Variants in EPS8 observed in about 807,000 individuals in gnomAD.
EPS8 encodes the protein epidermal growth factor receptor kinase substrate 8.
A neutral mutation model predicts 103.8 loss-of-function variants in EPS8; 42 were observed. The observed-to-expected ratio is 0.40, with a 90% CI of 0.32 to 0.52. The LOEUF is 0.52. Ranked by LOEUF, EPS8 falls within the 20% of genes least tolerant of loss-of-function variation. The pLI is 0.40. For synonymous variants in EPS8, 344 were observed against 344.6 expected (o/e 1.00, Z 0.02); for missense variants, 969 against 1,005.1 (o/e 0.96, Z 0.49).
intron 17 of EPS8, among the ~76,000 whole-genome samples, chr12:15,633,748 C>T (rs1427176489): frequency 6.6e-6 from 1 of 152,166 alleles, no homozygotes; most frequent in Admixed American, 6.5e-5. Flanking sequence ...CCTCCTGCCC[C>T]ATGTTTCCAA....
At position 15,759,481 on chromosome 12, in the gene EPS8, A is replaced by C. The variant is rs538610510; in HGVS notation, c.-22+29680T>G. 1.3e-5 allele frequency among the ~76,000 whole-genome samples: 2 copies of C among 152,268 alleles called. 1 individual carries two copies. Among genetic ancestry groups the C allele is most frequent in the African/African-American group, 4.8e-5 (2 of 41,588 alleles). ...AACCTTTATACACTAAAAAGTCTTC[A>C]GTCTCTTAAACTTCAGTAGGAAAAA... On this transcript the variant is annotated intron_variant, in intron 1 of 20. Transcript: ENST00000281172. The surrounding 1 kb of genome is among the most constrained non-coding windows in gnomAD (Gnocchi z 4.9).
rs771690919 is a variant in EPS8, at chr12:15,713,681, C to T, written c.-21-30709G>A. On this transcript the variant is annotated intron_variant, in intron 1 of 20. Transcript: ENST00000281172. The surrounding 1 kb of genome is among the most constrained non-coding windows in gnomAD (Gnocchi z 4.8). ...GACAGAAGGGGAGGCCCTGGGCACA[C>T]GAGGTATAAAGTTGGTACTGAGATT... Among the ~76,000 whole-genome samples the T allele has an allele frequency of 3.9e-5, 6 of 152,254 alleles. No homozygotes were observed. Among genetic ancestry groups the T allele is most frequent in the Admixed American group, 6.5e-5 (1 of 15,292 alleles).
intron 12 of EPS8, among the ~76,000 whole-genome samples, chr12:15,656,043 G>A (rs560568307): frequency 6.6e-6 from 1 of 152,272 alleles, no homozygotes; most frequent in East Asian, 1.9e-4. Flanking sequence ...ATGTTTTCAG[G>A]TACATAACCT....
chr12:15,729,762 G>A (rs1946693430), intron 1 of EPS8, among the ~76,000 whole-genome samples: 2 of 152,152 alleles, frequency 1.3e-5, no homozygotes, highest in South Asian at 4.2e-4. Context: ...TTTCTAGTTT[G>A]ACTCCACTGT....
At chr12:15,622,473 CTTTCA>C (rs1296454576) in intron 20 of EPS8, among the ~76,000 whole-genome samples, 1 of 152,120 alleles carries the variant, frequency 6.6e-6, no homozygotes. Context: ...AGCCTACATT[CTTTCA>C]TTTGAGTCCA....
intron 3 of EPS8, among the ~76,000 whole-genome samples, chr12:15,679,764 A>G (rs1007726460): frequency 2.0e-5 from 3 of 152,244 alleles, no homozygotes; most frequent in Non-Finnish European, 2.9e-5. Context: ...CATAGGCAAC[A>G]GCCTTCTCTT....
At chr12:15,671,307 T>A (rs1292728842) in intron 3 of EPS8, among the ~76,000 whole-genome samples, 1 of 152,158 alleles carries the variant, frequency 6.6e-6, no homozygotes, top group Non-Finnish European at 1.5e-5. Flanking sequence ...AAAATGTAAT[T>A]GCAAATATTG....
rs1472853498 is a variant in EPS8, at chr12:15,745,552, T to C, written c.-22+43609A>G. Among the ~76,000 whole-genome samples the C allele has an allele frequency of 1.7e-5, 1 of 59,818 alleles. No individual in the cohort carries two copies. Among genetic ancestry groups the C allele is most frequent in the East Asian group, 4.5e-4 (1 of 2,200 alleles). The allele number at this position is 59,818 out of a possible 152,430, so 39.2% of individuals were successfully genotyped here. ...ATCTGACTCCAAAAATCTATGACTA[T>C]GTATCCAAAAAAAAAAAAAAATTCT... On this transcript the variant is annotated intron_variant, in intron 1 of 20. Transcript: ENST00000281172. The surrounding 1 kb of genome is among the most constrained non-coding windows in gnomAD (Gnocchi z 4.6).
chr12:15,659,766 A>G (rs1945572299), intron 10 of EPS8, among the ~76,000 whole-genome samples: 1 of 152,188 alleles, frequency 6.6e-6, no homozygotes. Flanking sequence ...TTACTTCCAT[A>G]ATTTTAATTT....
In EPS8 at chr12:15,701,732, C is replaced by T. The variant is rs908404082; in HGVS notation, c.-21-18760G>A. 2.0e-5 allele frequency among the ~76,000 whole-genome samples: 3 copies of T among 151,994 alleles called. No homozygotes were observed. Among genetic ancestry groups the T allele is most frequent in the Non-Finnish European group, 2.9e-5 (2 of 67,972 alleles). The stretch of plus-strand genomic sequence containing the variant: ...GTCAATCTCACTTGTTTTTTAGTTT[C>T]GAAACATTGGAAATATCTCACAGAC... On this transcript the variant is annotated intron_variant, in intron 1 of 20. Transcript: ENST00000281172. The surrounding 1 kb of genome is among the most constrained non-coding windows in gnomAD (Gnocchi z 5.1).
At chr12:15,726,318 G>A (rs1158559444) in intron 1 of EPS8, among the ~76,000 whole-genome samples, 5 of 151,910 alleles carry the variant, frequency 3.3e-5, no homozygotes, top group Non-Finnish European at 5.9e-5. Context: ...TTTACGGAGG[G>A]GGCTGGAAAT....
chr12:15,711,076 ATTTATTTT>A (rs1301681740), intron 1 of EPS8, among the ~76,000 whole-genome samples: 1 of 148,518 alleles, frequency 6.7e-6, no homozygotes. Flanking sequence ...TTATTTATTT[ATTTATTTT>A]GGTAGAGACA....
chr12:15,651,461 A>G (rs1328773552), intron 13 of EPS8, among the ~76,000 whole-genome samples: 1 of 152,206 alleles, frequency 6.6e-6, no homozygotes, highest in Non-Finnish European at 1.5e-5. Context: ...ATATCTTTCA[A>G]AAGAGAAACA....
At chr12:15,723,239 A>G (rs1946617412) in intron 1 of EPS8, among the ~76,000 whole-genome samples, 1 of 152,142 alleles carries the variant, frequency 6.6e-6, no homozygotes, top group Non-Finnish European at 1.5e-5. Flanking sequence ...TGAGCCTGGG[A>G]GGTAAAAGTT....
chr12:15,753,181 T>C (rs1946951175), intron 1 of EPS8, among the ~76,000 whole-genome samples: 2 of 152,140 alleles, frequency 1.3e-5, no homozygotes, highest in Non-Finnish European at 2.9e-5. Flanking sequence ...TTTAGAAACA[T>C]TTATGTGTCT....
chr12:15,699,717 A>G (rs1176656260), intron 1 of EPS8, among the ~76,000 whole-genome samples: 2 of 152,180 alleles, frequency 1.3e-5, no homozygotes, highest in African/African-American at 4.8e-5. Context: ...ACTCCTACAT[A>G]TAAACCCTCA....
chr12:15,630,211 C>CACAG (rs1212118610), intron 18 of EPS8, among the ~76,000 whole-genome samples: 2 of 151,400 alleles, frequency 1.3e-5, no homozygotes, highest in African/African-American at 2.4e-5. Context: ...CACTCACACA[C>CACAG]ACACACACAC....
chr12:15,683,268 C>G (rs1946040250), intron 1 of EPS8: 1 of 184,578 alleles, frequency 5.4e-6, no homozygotes, highest in South Asian at 1.8e-4. Context: ...ATTCTACATT[C>G]TGCCCAAACT....
In EPS8 at chr12:15,787,071, A is replaced by G. The variant is rs987818683; in HGVS notation, c.-22+2090T>C. 6.6e-6 allele frequency among the ~76,000 whole-genome samples: 1 copy of G among 152,192 alleles called. No homozygotes were observed. The highest frequency in any genetic ancestry group is 6.5e-5 in the Admixed American group (1 of 15,284). ...AAATCAGTGTTAAAATATTCATCCA[A>G]TAGAACTTCAAGTATTTAAAGAGAC... On this transcript the variant is annotated intron_variant, in intron 1 of 20. Coordinates refer to ENST00000281172, the MANE Select transcript of EPS8 (RefSeq NM_004447.6). This position sits in a 1 kb window ranked among gnomAD's most constrained non-coding sequence, Gnocchi z 4.9.
Sources: allele counts gnomAD v4.1 joint callset (sites outside exome capture counted in the v4.1 genomes callset), GRCh38; gene constraint gnomAD v4.1.1; non-coding constraint Gnocchi (gnomAD v3.1); transcripts MANE v1.5; gene names NCBI Gene and HGNC (gene_info 2026-07-23, HGNC 2026-07-21).